Variants in INPP5B observed in about 807,000 individuals in gnomAD.
The protein encoded by INPP5B is type II inositol 1,4,5-trisphosphate 5-phosphatase.
INPP5B carries 90 observed loss-of-function variants against 118.5 expected under a neutral mutation model. The ratio of observed to expected loss-of-function variants is 0.76; its 90% CI spans 0.64 to 0.90. The LOEUF (loss-of-function observed/expected upper bound fraction) is 0.90. Ranked by LOEUF, INPP5B falls within the 40% of genes least tolerant of loss-of-function variation. INPP5B has a pLI of 0.00. For missense variants in INPP5B, 984 were observed against 1,125.6 expected (o/e 0.87, Z 1.80); for synonymous variants, 385 against 418.9 (o/e 0.92, Z 0.99).
Position 37,890,797 on chromosome 1 carries a change from G to C in INPP5B, c.629+561C>G, listed in dbSNP as rs571112793. ...TTGATAATTCTGGGACCTTGGGTGAGTTATATAACTTCTCATTACCTGAGT... is the reference window on the plus strand; with the variant it reads ...TTGATAATTCTGGGACCTTGGGTGACTTATATAACTTCTCATTACCTGAGT... On this transcript the variant is annotated intron_variant, in intron 8 of 23. Coordinates refer to ENST00000373024, the MANE Select transcript of INPP5B (RefSeq NM_005540.3). Among the ~76,000 whole-genome samples the C allele has an allele frequency of 3.9e-5, 6 of 152,268 alleles. No homozygotes were observed. The South Asian group carries it at 1.0e-3, about 26-fold the overall frequency.
chr1:37,927,653 C>T (rs558824028), intron 7 of INPP5B, among the ~76,000 whole-genome samples: 4 of 151,868 alleles, frequency 2.6e-5, no homozygotes, highest in Non-Finnish European at 5.9e-5. Context: ...TCTCCTGCCT[C>T]AGCCTCCCGA....
chr1:37,869,137 C>T (rs1283640663), intron 19 of INPP5B, among the ~76,000 whole-genome samples: 3 of 151,988 alleles, frequency 2.0e-5, no homozygotes, highest in African/African-American at 4.8e-5. Flanking sequence ...GGATTACAGG[C>T]GTGTGCCATC....
intron 7 of INPP5B, among the ~76,000 whole-genome samples, chr1:37,924,008 C>T (rs761955070): frequency 6.6e-6 from 1 of 151,966 alleles, no homozygotes; most frequent in Admixed American, 6.6e-5. Flanking sequence ...AAACTCCTGA[C>T]CTCAGGTGAT....
At position 37,940,698 on chromosome 1, in the gene INPP5B, C is replaced by T. The variant is rs371293611; in HGVS notation, c.381G>A (p.Arg127=). 2.0e-4 allele frequency: 317 copies of T among 1,612,648 alleles called. No individual in the cohort carries two copies. The African/African-American group carries it at 3.8e-3, about 19-fold the overall frequency. The stretch of plus-strand genomic sequence containing the variant: ...TGGGGTCTTACCTACCTGGACAGGC[C>T]CTGGCAACTTCGTGGAGGAACATCC... ...QTRMFLHEVA[R]ACPGFDSATR... is the part of the protein sequence containing the mutation. The change falls in exon 6 of 24, where the codon AGG becomes AGA. Residue 127 remains arginine, a synonymous_variant. Coordinates refer to ENST00000373024, the MANE Select transcript of INPP5B (RefSeq NM_005540.3).
At chr1:37,867,478 G>C (rs557579849) in intron 20 of INPP5B, among the ~76,000 whole-genome samples, 1 of 152,186 alleles carries the variant, frequency 6.6e-6, no homozygotes, top group South Asian at 2.1e-4. Flanking sequence ...TCAGCTTTGG[G>C]ACCTTAACCA....
At chr1:37,878,689 G>A (rs1200731167) in intron 15 of INPP5B, among the ~76,000 whole-genome samples, 3 of 151,268 alleles carry the variant, frequency 2.0e-5, no homozygotes, top group Non-Finnish European at 4.4e-5. Flanking sequence ...TTGCTCTGTC[G>A]CCCAGGCTGG....
chr1:37,913,693 C>T (rs1272639846), intron 7 of INPP5B, among the ~76,000 whole-genome samples: 1 of 152,158 alleles, frequency 6.6e-6, no homozygotes, highest in African/African-American at 2.4e-5. Flanking sequence ...AAACATTGCT[C>T]ATTATCTCTC....
intron 7 of INPP5B, among the ~76,000 whole-genome samples, chr1:37,905,182 C>T (rs1476202982): frequency 6.6e-6 from 1 of 152,172 alleles, no homozygotes; most frequent in Non-Finnish European, 1.5e-5. Flanking sequence ...AGGCGGATCA[C>T]CTGAAGTCAG....
intron 7 of INPP5B, chr1:37,930,743 ACT>A (rs1489149375): frequency 1.3e-5 from 2 of 152,054 alleles, no homozygotes; most frequent in African/African-American, 4.8e-5. Flanking sequence ...CAGTTTACAA[ACT>A]CTTGTGCAAC....
Position 37,887,414 on chromosome 1 carries a change from TG to T in INPP5B, c.950del (p.Pro317GlnfsTer23). 1 of 1,613,826 alleles carries T rather than the reference TG, an allele frequency of 6.2e-7. No homozygotes were observed. Among genetic ancestry groups the T allele is most frequent in the Non-Finnish European group, 8.5e-7 (1 of 1,179,848 alleles). On this transcript the variant is annotated frameshift_variant, in exon 11 of 24. Transcript: ENST00000373024. LOFTEE classifies it high-confidence loss of function. ...CAGCTTTGAACCACTCTTCCTCCTT[TG>T]GGGTATCGTGAAAGAAAAAAGCTTC... Reference protein sequence around the residue: ...SKEAFFFHDTPKEEEWFKAVS... With the variant: ...SKEAFFFHDTXKEEEWFKAVS...
At position 37,873,092 on chromosome 1, in the gene INPP5B, G is replaced by A; in HGVS notation, c.2025C>T (p.Asp675=). 3 of 1,614,096 alleles carry A rather than the reference G, an allele frequency of 1.9e-6. No individual in the cohort carries two copies. Among genetic ancestry groups the A allele is most frequent in the Non-Finnish European group, 2.5e-6 (3 of 1,179,994 alleles). ...GCAGAACCAGAATGTCCTCAATTTT[G>A]TCTTCACCCGAGTTGAGCTTTGTAG... ...MTATKLNSGE[D]KIEDILVLHL... The change falls in exon 19 of 24, where the codon GAC becomes GAT. Residue 675 remains aspartate (D), a synonymous_variant. Coordinates refer to ENST00000373024, the MANE Select transcript of INPP5B (RefSeq NM_005540.3).
chr1:37,878,494 T>C (rs1642981343), intron 15 of INPP5B, 171 bp from the exon 16 acceptor site: 1 of 985,414 alleles, frequency 1.0e-6, no homozygotes, highest in Non-Finnish European at 1.2e-6. Context: ...ACATGTATCC[T>C]GTGGGTATCA....
chr1:37,921,808 G>A (rs746600328), intron 7 of INPP5B, among the ~76,000 whole-genome samples: 5 of 152,148 alleles, frequency 3.3e-5, no homozygotes, highest in Admixed American at 2.0e-4. Context: ...TCAGGAGTTC[G>A]AGACTAGCCA....
chr1:37,888,168 G>T, intron 10 of INPP5B, 75 bp downstream of exon 10: 1 of 869,822 alleles, frequency 1.1e-6, no homozygotes, highest in Non-Finnish European at 1.6e-6. Context: ...TCCTTCACCT[G>T]TTGTGAAGAC....
At chr1:37,894,284 T>A (rs1045926162) in intron 7 of INPP5B, among the ~76,000 whole-genome samples, 2 of 152,164 alleles carry the variant, frequency 1.3e-5, no homozygotes, top group African/African-American at 4.8e-5. Flanking sequence ...CAAGAAGACT[T>A]CTCTAACCTC....
Position 37,874,120 on chromosome 1 carries a change from T to C in INPP5B, c.1824A>G (p.Lys608=). Residue 608 remains lysine, a synonymous_variant, in exon 18 of 24, where the codon AAA becomes AAG. Transcript: ENST00000373024. The part of the protein sequence containing the change: ...CFQNVKYMQL[K]VESFTIHNGQ... ...CATTATGAATTGTAAAGGATTCTAC[T>C]TTCAATTGCATGTACTTCACATTCT... 6.3e-7 allele frequency: 1 copy of C among 1,592,938 alleles called. No individual in the cohort carries two copies. Among genetic ancestry groups the C allele is most frequent in the Non-Finnish European group, 8.6e-7 (1 of 1,164,378 alleles).
chr1:37,923,582 T>G (rs2148640574), intron 7 of INPP5B, among the ~76,000 whole-genome samples: 1 of 152,070 alleles, frequency 6.6e-6, no homozygotes, highest in African/African-American at 2.4e-5. Context: ...ACTGCAACAG[T>G]TCAGCTAAGA....
intron 8 of INPP5B, among the ~76,000 whole-genome samples, chr1:37,890,325 G>A (rs1442868097): frequency 1.3e-5 from 2 of 151,278 alleles, no homozygotes; most frequent in African/African-American, 4.9e-5. Flanking sequence ...CAGTGACTGG[G>A]TGACAAAGTG....
chr1:37,901,966 A>G (rs2148569392), intron 7 of INPP5B, among the ~76,000 whole-genome samples: 1 of 149,554 alleles, frequency 6.7e-6, no homozygotes, highest in South Asian at 2.1e-4. Context: ...ATGTTCGGTC[A>G]CCAAGTCTTA....
Sources: gnomAD v4.1 joint callset for allele counts (sites outside exome capture counted in the v4.1 genomes callset) on GRCh38, gnomAD v4.1.1 for gene constraint, MANE v1.5 for transcripts, NCBI Gene and HGNC (gene_info 2026-07-23, HGNC 2026-07-21) for gene names.